FUT8: variants seen among roughly 807,000 people sequenced by gnomAD.
The protein encoded by FUT8 is fucosyltransferase 8.
FUT8 carries 29 observed loss-of-function variants against 71.3 expected under a neutral mutation model. The ratio of observed to expected loss-of-function variants is 0.41; its 90% CI spans 0.30 to 0.55. The LOEUF is 0.55. Ranked by LOEUF, FUT8 falls within the 20% of genes least tolerant of loss-of-function variation. FUT8 has a pLI of 0.34. For missense variants in FUT8, 544 were observed against 702.1 expected (o/e 0.77, Z 2.55); for synonymous variants, 254 against 239.3 (o/e 1.06, Z -0.57).
intron 5 of FUT8, among the ~76,000 whole-genome samples, chr14:65,623,038 G>T (rs1268821801): frequency 1.3e-5 from 2 of 151,794 alleles, no homozygotes; most frequent in Non-Finnish European, 2.9e-5. Flanking sequence ...CTATAGGCGT[G>T]TGTCCCTGCA....
intron 10 of FUT8, among the ~76,000 whole-genome samples, chr14:65,739,115 T>C (rs1196725164): frequency 6.6e-6 from 1 of 152,088 alleles, no homozygotes; most frequent in African/African-American, 2.4e-5. Context: ...TGAATAATAA[T>C]AGTACCTCAC....
At chr14:65,644,015 T>C (rs1418407003) in intron 6 of FUT8, among the ~76,000 whole-genome samples, 3 of 152,158 alleles carry the variant, frequency 2.0e-5, no homozygotes, top group Non-Finnish European at 2.9e-5. Context: ...GCAGGTCTGG[T>C]TTCCACATAG....
intron 7 of FUT8, among the ~76,000 whole-genome samples, chr14:65,705,211 T>A (rs949392077): frequency 6.6e-6 from 1 of 152,100 alleles, no homozygotes; most frequent in Non-Finnish European, 1.5e-5. Flanking sequence ...AGTTGCTCAT[T>A]CAAGTCCAAG....
rs61112886 is a variant in FUT8, at chr14:65,610,391, C to CTT, written c.204-5573_204-5572dup. Among the ~76,000 whole-genome samples the CTT allele has an allele frequency of 2.4e-3, 335 of 140,672 alleles. 5 individuals are homozygous for CTT. The East Asian group carries it at 0.031, about 13-fold the overall frequency. The allele number at this position is 140,672 out of a possible 152,430, so 92.3% of individuals were successfully genotyped here. On this transcript the variant is annotated intron_variant, in intron 3 of 10. Transcript: ENST00000673929. The stretch of plus-strand genomic sequence containing the variant: ...TCCTTAATTTCCTAGTTTCTGACAC[C>CTT]TTTTTTTTTTTTTTTGAAACAAAGT...
intron 9 of FUT8, among the ~76,000 whole-genome samples, chr14:65,727,324 A>G (rs1895734731): frequency 6.6e-6 from 1 of 152,200 alleles, no homozygotes; most frequent in African/African-American, 2.4e-5. Context: ...CCATTCCTGC[A>G]GCAAACTTCT....
chr14:65,427,098 G>T lies in FUT8; in HGVS notation c.-326+13884G>T, dbSNP rs111721344. Among the ~76,000 whole-genome samples, 4 of 152,046 alleles carry T rather than the reference G, an allele frequency of 2.6e-5. No individual in the cohort carries two copies. The East Asian group carries it at 7.7e-4, about 29-fold the overall frequency. On this transcript the variant is annotated intron_variant, in intron 1 of 10. Transcript: ENST00000673929. ...AGGATGATCTCAATCTCCTGACCTCGTGATCCGCCCGCCTTGGCCTCCTGA... is the reference window on the plus strand; with the variant it reads ...AGGATGATCTCAATCTCCTGACCTCTTGATCCGCCCGCCTTGGCCTCCTGA...
At chr14:65,473,521 A>T (rs1486915213) in intron 2 of FUT8, among the ~76,000 whole-genome samples, 1 of 152,220 alleles carries the variant, frequency 6.6e-6, no homozygotes, top group Admixed American at 6.5e-5. Flanking sequence ...ATTCCCAAAA[A>T]TTGTAGTTTT....
At chr14:65,499,918 C>A (rs2066619882) in intron 2 of FUT8, among the ~76,000 whole-genome samples, 2 of 151,782 alleles carry the variant, frequency 1.3e-5, no homozygotes, top group South Asian at 4.2e-4. Context: ...TCTAATTGAC[C>A]TTAGGGTAAA....
At chr14:65,412,325 C>T, upstream of FUT8, 1 of 456,538 alleles carries the variant, frequency 2.2e-6, no homozygotes, top group Non-Finnish European at 4.4e-6. Flanking sequence ...AGCTTCAAAA[C>T]CTCTAGTGCG....
intron 2 of FUT8, among the ~76,000 whole-genome samples, chr14:65,491,121 A>G (rs2139721657): frequency 6.6e-6 from 1 of 152,258 alleles, no homozygotes; most frequent in East Asian, 1.9e-4. Flanking sequence ...TTCTTACCTC[A>G]AAGTACAGTG....
rs766449295 is a variant in FUT8 at position 65,669,521 on chromosome 14, C to G, written c.835+41C>G. 5 of 1,344,172 alleles carry G rather than the reference C, an allele frequency of 3.7e-6. No individual in the cohort carries two copies. Among genetic ancestry groups the G allele is most frequent in the Non-Finnish European group, 5.3e-6 (5 of 937,364 alleles). The allele number at this position is 1,344,172 out of a possible 1,614,324, so 83.3% of individuals were successfully genotyped here. ...AGCATATGAGATCTCTGGGCTGTTT[C>G]ACTCAATTACCAGATTATTAGATTT... On this transcript the variant is annotated intron_variant, in intron 7 of 10. Coordinates refer to ENST00000673929, the MANE Select transcript of FUT8 (RefSeq NM_001371533.1). This position sits in a 1 kb window ranked among gnomAD's most constrained non-coding sequence, Gnocchi z 4.5.
chr14:65,436,805 C>T (rs111592471), intron 1 of FUT8, among the ~76,000 whole-genome samples: 14 of 151,896 alleles, frequency 9.2e-5, no homozygotes, highest in African/African-American at 3.4e-4. Flanking sequence ...GCAGTCTGGG[C>T]TATATATTTA....
At position 65,502,220 on chromosome 14, in the gene FUT8, T is replaced by G. The variant is rs531045434; in HGVS notation, c.-228+46502T>G. ...GCCACCATGCCTGGCTGGGTCCACTTATTTATTGTTATTTTTTTTTTTGAG... is the reference window on the plus strand; with the variant it reads ...GCCACCATGCCTGGCTGGGTCCACTGATTTATTGTTATTTTTTTTTTTGAG... On this transcript the variant is annotated intron_variant, in intron 2 of 10. Transcript: ENST00000673929. Among the ~76,000 whole-genome samples, 23 of 151,376 alleles carry G rather than the reference T, an allele frequency of 1.5e-4. No homozygotes were observed. In the South Asian group the frequency reaches 4.8e-3, roughly 32 times the overall value.
chr14:65,577,938 C>T (rs1365404956), intron 3 of FUT8, among the ~76,000 whole-genome samples: 1 of 152,024 alleles, frequency 6.6e-6, no homozygotes, highest in Admixed American at 6.6e-5. Flanking sequence ...CCACCCTGAG[C>T]TTTATTTAGA....
chr14:65,375,299 G>T, the FUT8 span, among the ~76,000 whole-genome samples: 1 of 152,102 alleles, frequency 6.6e-6, no homozygotes, highest in Non-Finnish European at 1.5e-5. Flanking sequence ...GATCACCATA[G>T]TTAAGACATG....
At chr14:65,602,173 T>TATG (rs1001111428) in intron 3 of FUT8, among the ~76,000 whole-genome samples, 1 of 151,108 alleles carries the variant, frequency 6.6e-6, no homozygotes, top group African/African-American at 2.4e-5. Context: ...GTATCCTTCC[T>TATG]ATGCCTTTGT....
intron 2 of FUT8, among the ~76,000 whole-genome samples, chr14:65,457,504 C>G (rs1041939244): frequency 4.6e-5 from 7 of 152,096 alleles, no homozygotes; most frequent in African/African-American, 1.4e-4. Flanking sequence ...CAGACAAAAC[C>G]TCTCAGACAC....
At chr14:65,518,017 G>A (rs1249555681) in intron 2 of FUT8, among the ~76,000 whole-genome samples, 1 of 152,084 alleles carries the variant, frequency 6.6e-6, no homozygotes, top group Non-Finnish European at 1.5e-5. Context: ...ATGTTTCAGT[G>A]GTCTCTTTTT....
At position 65,672,813 on chromosome 14, in the gene FUT8, T is replaced by G. The variant is rs147942879; in HGVS notation, c.835+3333T>G. On this transcript the variant is annotated intron_variant, in intron 7 of 10. Transcript: ENST00000673929. ...AGGATATTGACTATTTTAGGCTATA[T>G]ATGATGACTAGCTTTCAAAATGCTT... Among the ~76,000 whole-genome samples the G allele has an allele frequency of 2.0e-5, 3 of 152,352 alleles. No homozygotes were observed. In the East Asian group the frequency reaches 5.8e-4, roughly 29 times the overall value.
Sources: gnomAD v4.1 joint callset for allele counts (sites outside exome capture counted in the v4.1 genomes callset) on GRCh38, gnomAD v4.1.1 for gene constraint, Gnocchi (gnomAD v3.1) non-coding constraint, MANE v1.5 for transcripts, NCBI Gene and HGNC (gene_info 2026-07-23, HGNC 2026-07-21) for gene names.